The following CDH13 variants were observed in gnomAD, a reference collection of about 807,000 sequenced individuals.
CDH13 encodes cadherin 13.
CDH13 carries 24 observed loss-of-function variants against 63.8 expected under a neutral mutation model. That is an observed-to-expected ratio of 0.38 (90% CI 0.27 to 0.53). The LOEUF is 0.53. CDH13 is among the 20% of genes least tolerant of loss of function. The probability of loss-of-function intolerance (pLI) is 0.85; values close to 1 mark genes in which losing one functional copy is unlikely to be tolerated. For synonymous variants in CDH13, 503 were observed against 355.3 expected (o/e 1.42, Z -4.67); for missense variants, 1,049 against 903.1 (o/e 1.16, Z -2.07).
chr16:83,337,765 A>T (rs1239419436), intron 5 of CDH13, among the ~76,000 whole-genome samples: 1 of 150,610 alleles, frequency 6.6e-6, no homozygotes, highest in South Asian at 2.1e-4. Flanking sequence ...ACAGACGCTC[A>T]TTGTGTGGTT....
At chr16:83,241,554 G>C (rs542889079) in intron 5 of CDH13, among the ~76,000 whole-genome samples, 60 of 152,198 alleles carry the variant, frequency 3.9e-4, no homozygotes, top group Admixed American at 8.5e-4. Context: ...CCTCATTATG[G>C]TTTTGATTTG....
At chr16:83,481,328 G>C (rs991701051) in intron 6 of CDH13, among the ~76,000 whole-genome samples, 2 of 152,156 alleles carry the variant, frequency 1.3e-5, no homozygotes, top group African/African-American at 4.8e-5. Flanking sequence ...AAATGTTTAG[G>C]GATGGAGTCA....
rs557871924 is a variant in CDH13 at position 82,969,986 on chromosome 16, T to C, written c.158-62024T>C. 3.3e-5 allele frequency among the ~76,000 whole-genome samples: 5 copies of C among 152,204 alleles called. No homozygotes were observed. In the South Asian group the frequency reaches 8.3e-4, roughly 25 times the overall value. On this transcript the variant is annotated intron_variant, in intron 2 of 13. Transcript: ENST00000567109. ...AAGTTCTGGGGTACGTGTGCAGAACTTGTAGGTTTCTTACGTAGGTATACA... is the reference window on the plus strand; with the variant it reads ...AAGTTCTGGGGTACGTGTGCAGAACCTGTAGGTTTCTTACGTAGGTATACA...
intron 11 of CDH13, among the ~76,000 whole-genome samples, chr16:83,779,405 T>TAAAAA (rs1174439191): frequency 0.083 from 5,652 of 67,772 alleles, 2,150 homozygotes; most frequent in Middle Eastern, 0.095. Context: ...AGACTCCATC[T>TAAAAA]CAAAAAAAAA....
At chr16:83,703,440 T>A (rs542855917) in intron 10 of CDH13, among the ~76,000 whole-genome samples, 1 of 152,232 alleles carries the variant, frequency 6.6e-6, no homozygotes. Context: ...TATGATGGAA[T>A]AATATGCAGT....
intron 5 of CDH13, among the ~76,000 whole-genome samples, chr16:83,256,014 A>C (rs1906217035): frequency 6.6e-6 from 1 of 152,196 alleles, no homozygotes; most frequent in Admixed American, 6.5e-5. Context: ...AAATAGGTAT[A>C]TATAAATTAG....
intron 2 of CDH13, among the ~76,000 whole-genome samples, chr16:82,899,965 G>A (rs564440187): frequency 5.9e-5 from 9 of 152,266 alleles, no homozygotes; most frequent in African/African-American, 2.2e-4. Flanking sequence ...CTTTCAGAAT[G>A]TCATCAGAAA....
chr16:82,786,316 G>A (rs2035999174), intron 1 of CDH13, among the ~76,000 whole-genome samples: 1 of 151,910 alleles, frequency 6.6e-6, no homozygotes, highest in African/African-American at 2.4e-5. Flanking sequence ...GATATTTCAG[G>A]ATAATTTATG....
intron 4 of CDH13, among the ~76,000 whole-genome samples, chr16:83,193,064 C>G (rs148680985): frequency 2.1e-4 from 32 of 151,990 alleles, no homozygotes; most frequent in Admixed American, 7.9e-4. Context: ...TCGGAGTTGT[C>G]TGACTCACTT....
chr16:83,751,899 C>G (rs898995285), intron 11 of CDH13, among the ~76,000 whole-genome samples: 10 of 152,204 alleles, frequency 6.6e-5, no homozygotes, highest in African/African-American at 2.4e-4. Context: ...AGATTACGTC[C>G]CAGAAGAAGC....
At chr16:83,424,590 A>G (rs1054090206) in intron 6 of CDH13, among the ~76,000 whole-genome samples, 1 of 152,186 alleles carries the variant, frequency 6.6e-6, no homozygotes, top group African/African-American at 2.4e-5. Context: ...ATATTGGACT[A>G]TTAATTTTGG....
chr16:82,740,365 T>C (rs1364186739), intron 1 of CDH13, among the ~76,000 whole-genome samples: 2 of 152,200 alleles, frequency 1.3e-5, no homozygotes, highest in African/African-American at 4.8e-5. Flanking sequence ...AACTTCAAAT[T>C]GTATTATCCC....
chr16:82,628,604 A>G (rs1907642147), intron 1 of CDH13, among the ~76,000 whole-genome samples: 2 of 152,104 alleles, frequency 1.3e-5, no homozygotes, highest in Admixed American at 1.3e-4. Flanking sequence ...TACAGTCCCG[A>G]TTAAGGACTG....
At chr16:83,467,654 T>C (rs1319458206) in intron 6 of CDH13, among the ~76,000 whole-genome samples, 1 of 152,196 alleles carries the variant, frequency 6.6e-6, no homozygotes, top group Non-Finnish European at 1.5e-5. Flanking sequence ...TTCTCATATT[T>C]GGACCCAATG....
chr16:83,612,280 C>T (rs1465589156), intron 8 of CDH13, among the ~76,000 whole-genome samples: 1 of 151,986 alleles, frequency 6.6e-6, no homozygotes, highest in Admixed American at 6.6e-5. Flanking sequence ...TCTGCAAATG[C>T]TTTCTGCTTT....
At chr16:83,548,106 G>A (rs1238181250) in intron 7 of CDH13, among the ~76,000 whole-genome samples, 4 of 152,094 alleles carry the variant, frequency 2.6e-5, no homozygotes, top group Admixed American at 2.6e-4. Flanking sequence ...AGGGGGGGAT[G>A]GGAAGCTAGC....
chr16:83,479,793 A>G (rs1404007576), intron 6 of CDH13, among the ~76,000 whole-genome samples: 1 of 152,246 alleles, frequency 6.6e-6, no homozygotes, highest in Non-Finnish European at 1.5e-5. Context: ...AGAGGGGTTT[A>G]TCACATCAGA....
intron 1 of CDH13, among the ~76,000 whole-genome samples, chr16:82,852,084 G>A (rs539167380): frequency 1.6e-4 from 24 of 152,316 alleles, no homozygotes; most frequent in Admixed American, 1.2e-3. Flanking sequence ...TTTAAGAGGG[G>A]ATGGAACCTG....
chr16:83,408,161 A>C (rs1390509947), intron 6 of CDH13, among the ~76,000 whole-genome samples: 1 of 152,198 alleles, frequency 6.6e-6, no homozygotes, highest in African/African-American at 2.4e-5. Flanking sequence ...TGATCTTGTG[A>C]CCCGTGTGAC....
Sources: allele counts gnomAD v4.1 joint callset (sites outside exome capture counted in the v4.1 genomes callset), GRCh38; gene constraint gnomAD v4.1.1; transcripts MANE v1.5; gene names NCBI Gene and HGNC (gene_info 2026-07-23, HGNC 2026-07-21).